The following TLN2 variants were observed in gnomAD, a reference collection of about 807,000 sequenced individuals.
TLN2 encodes talin 2, also known as talin-2.
In TLN2, 118 loss-of-function variants were observed where a neutral mutation model predicts 294.7. The observed-to-expected ratio is 0.40, with a 90% CI of 0.34 to 0.47. The LOEUF (loss-of-function observed/expected upper bound fraction) is 0.47, where lower values mean the gene tolerates loss of function less well. TLN2 is among the 20% of genes least tolerant of loss of function. The pLI is 0.84. For synonymous variants in TLN2, 1,431 were observed against 1,304.5 expected, an observed-to-expected ratio of 1.10 and a Z score of -2.09; for missense variants, 3,083 against 3,282.2, an observed-to-expected ratio of 0.94 and a Z score of 1.48.
chr15:62,778,985 G>T lies in TLN2; in HGVS notation c.5514+2075G>T, dbSNP rs115768101. 2.5e-3 allele frequency among the ~76,000 whole-genome samples: 387 copies of T among 152,300 alleles called. 1 individual carries two copies. Among genetic ancestry groups the T allele is most frequent in the African/African-American group, 8.8e-3 (367 of 41,566 alleles). On this transcript the variant is annotated intron_variant, in intron 43 of 58. Transcript: ENST00000636159. Reference sequence around the variant, plus strand: ...CTGTGCAGCAAGCGTTAGAAAGCTGGCATAGTCTCTCAGAATTTCATTAAT... The same window carrying T: ...CTGTGCAGCAAGCGTTAGAAAGCTGTCATAGTCTCTCAGAATTTCATTAAT...
At chr15:62,740,580 T>C in intron 31 of TLN2, 50 bp from the exon 32 acceptor site, 3 of 1,608,818 alleles carry the variant, frequency 1.9e-6, no homozygotes, top group Non-Finnish European at 2.5e-6. Flanking sequence ...GAATGCCTCC[T>C]TCAAGAAATG....
intron 1 of TLN2, among the ~76,000 whole-genome samples, chr15:62,410,943 G>A (rs908363259): frequency 6.6e-6 from 1 of 152,314 alleles, no homozygotes; most frequent in East Asian, 1.9e-4. Context: ...TAGTTTGGGA[G>A]TCTTTTAAAC....
intron 14 of TLN2, 125 bp downstream of exon 14, chr15:62,694,517 T>A: frequency 1.4e-6 from 1 of 732,142 alleles, no homozygotes; most frequent in Non-Finnish European, 2.3e-6. Context: ...ATGATATAGT[T>A]GAATCTTCTT....
At chr15:62,487,532 C>T (rs565882206) in intron 1 of TLN2, among the ~76,000 whole-genome samples, 194 of 152,266 alleles carry the variant, frequency 1.3e-3, no homozygotes, top group Non-Finnish European at 2.3e-3. Flanking sequence ...TCCCACTTGT[C>T]ATTATAGAAG....
At chr15:62,463,340 A>G (rs1303632706) in intron 1 of TLN2, among the ~76,000 whole-genome samples, 1 of 152,120 alleles carries the variant, frequency 6.6e-6, no homozygotes. Context: ...AGTGGTGAGA[A>G]CCGTTGTTGT....
intron 1 of TLN2, among the ~76,000 whole-genome samples, chr15:62,538,204 C>G (rs73429728): frequency 0.025 from 3,831 of 151,894 alleles, 155 homozygotes; most frequent in African/African-American, 0.089. Flanking sequence ...GCCTGGGCAA[C>G]AGAGTGAGAC....
intron 3 of TLN2, among the ~76,000 whole-genome samples, chr15:62,632,974 A>G (rs2050051497): frequency 6.6e-6 from 1 of 152,234 alleles, no homozygotes; most frequent in South Asian, 2.1e-4. Flanking sequence ...AGCCAAAATA[A>G]AACAAACAAC....
intron 1 of TLN2, among the ~76,000 whole-genome samples, chr15:62,465,693 G>A (rs1296169748): frequency 2.0e-5 from 3 of 152,244 alleles, no homozygotes; most frequent in Non-Finnish European, 2.9e-5. Flanking sequence ...CTAAGATGGG[G>A]TAGTGAGCTG....
chr15:62,669,376 G>A (rs4775524), intron 9 of TLN2, among the ~76,000 whole-genome samples: 150,218 of 152,296 alleles, frequency 0.99, 74,115 homozygotes, highest in East Asian at 1. Flanking sequence ...TGTTGGCTGC[G>A]AACTTTCAAC....
intron 23 of TLN2, among the ~76,000 whole-genome samples, chr15:62,716,721 G>C (rs1040764251): frequency 1.3e-5 from 2 of 152,054 alleles, no homozygotes; most frequent in African/African-American, 2.4e-5. Context: ...ATCATTAAAG[G>C]ATATACACAT....
chr15:62,446,107 C>T (rs1265790323), intron 1 of TLN2, among the ~76,000 whole-genome samples: 3 of 151,958 alleles, frequency 2.0e-5, no homozygotes, highest in Non-Finnish European at 2.9e-5. Flanking sequence ...CCCGGGTTCA[C>T]GTCATTCTCC....
chr15:62,837,289 T>C (rs1435829619), intron 57 of TLN2, among the ~76,000 whole-genome samples: 2 of 152,220 alleles, frequency 1.3e-5, no homozygotes, highest in African/African-American at 4.8e-5. Context: ...TGTTCGTTTG[T>C]GAATATGTGA....
At chr15:62,643,879 A>G (rs2051478579) in intron 3 of TLN2, among the ~76,000 whole-genome samples, 1 of 152,112 alleles carries the variant, frequency 6.6e-6, no homozygotes, top group Non-Finnish European at 1.5e-5. Context: ...GAGATTATGT[A>G]TGGTGAGGAA....
intron 11 of TLN2, among the ~76,000 whole-genome samples, chr15:62,684,588 G>A (rs934007329): frequency 6.6e-6 from 1 of 152,124 alleles, no homozygotes; most frequent in African/African-American, 2.4e-5. Flanking sequence ...GGGGGTGTGC[G>A]GTGACTGTCA....
intron 40 of TLN2, among the ~76,000 whole-genome samples, chr15:62,763,991 G>T (rs905020956): frequency 6.6e-6 from 1 of 152,142 alleles, no homozygotes; most frequent in Non-Finnish European, 1.5e-5. Flanking sequence ...GGGTACGGTG[G>T]GTACCGTGTT....
intron 1 of TLN2, among the ~76,000 whole-genome samples, chr15:62,551,619 A>G (rs542653981): frequency 2.0e-5 from 3 of 152,198 alleles, no homozygotes; most frequent in South Asian, 4.2e-4. Context: ...GAATCACTTG[A>G]ACCTGGGAGA....
chr15:62,411,373 G>A (rs940460181), intron 1 of TLN2, among the ~76,000 whole-genome samples: 2 of 151,698 alleles, frequency 1.3e-5, no homozygotes, highest in Non-Finnish European at 2.9e-5. Flanking sequence ...GATAGTTCAT[G>A]CTCCTGGGCA....
intron 58 of TLN2, 93 bp downstream of exon 58, chr15:62,839,074 T>C (rs1210345669): frequency 1.5e-5 from 23 of 1,491,848 alleles, no homozygotes; most frequent in East Asian, 2.3e-5. Context: ...GATGAAAGTT[T>C]ATTTCTTCCT....
intron 52 of TLN2, among the ~76,000 whole-genome samples, chr15:62,812,626 A>G (rs888330645): frequency 2.0e-5 from 3 of 152,218 alleles, no homozygotes; most frequent in Non-Finnish European, 4.4e-5. Context: ...GAGCTGTAAC[A>G]GGGTCACTTC....
Sources: gnomAD v4.1 joint callset for allele counts (sites outside exome capture counted in the v4.1 genomes callset) on GRCh38, gnomAD v4.1.1 for gene constraint, MANE v1.5 for transcripts, NCBI Gene and HGNC (gene_info 2026-07-23, HGNC 2026-07-21) for gene names.